Variants in WDR49 observed in about 807,000 individuals in gnomAD.
The protein encoded by WDR49 is WD repeat domain 49.
A neutral mutation model predicts 119.5 loss-of-function variants in WDR49; 107 were observed. That is an observed-to-expected ratio of 0.90 (90% CI 0.77 to 1.05). The LOEUF (loss-of-function observed/expected upper bound fraction) is 1.05, where lower values mean the gene tolerates loss of function less well. Among genes scored for constraint, WDR49 ranks in the 50% least tolerant of loss-of-function variants. The pLI, the probability that WDR49 is intolerant of heterozygous loss-of-function variation, is 0.00. For missense variants in WDR49, 1,240 were observed against 1,220.5 expected (o/e 1.02, Z -0.24); for synonymous variants, 425 against 418.8 (o/e 1.01, Z -0.18).
intron 2 of WDR49, among the ~76,000 whole-genome samples, chr3:167,650,773 A>G (rs1032709254): frequency 1.3e-5 from 2 of 152,238 alleles, no homozygotes; most frequent in African/African-American, 4.8e-5. Flanking sequence ...TAGCTCAATT[A>G]TCTAATGTTA....
chr3:167,538,970 T>C (rs1401553437), intron 10 of WDR49, among the ~76,000 whole-genome samples: 1 of 152,166 alleles, frequency 6.6e-6, no homozygotes, highest in East Asian at 1.9e-4. Flanking sequence ...AATACATAGA[T>C]CTAATCTATG....
At chr3:167,523,487 A>C (rs1171099229) in intron 15 of WDR49, among the ~76,000 whole-genome samples, 1 of 151,490 alleles carries the variant, frequency 6.6e-6, no homozygotes, top group Non-Finnish European at 1.5e-5. Flanking sequence ...CTATCAACCC[A>C]TCATCTAAGT....
chr3:167,517,686 T>G (rs1322563053), intron 16 of WDR49, among the ~76,000 whole-genome samples: 1 of 151,986 alleles, frequency 6.6e-6, no homozygotes, highest in Non-Finnish European at 1.5e-5. Context: ...ATTTTTTTTT[T>G]CCGTTTTTAA....
chr3:167,638,486 G>C (rs972204093), intron 2 of WDR49, among the ~76,000 whole-genome samples: 8 of 151,428 alleles, frequency 5.3e-5, no homozygotes, highest in African/African-American at 1.9e-4. Flanking sequence ...TCATTCTGTT[G>C]TACTTGCCTC....
rs566993960 is a variant in WDR49, at chr3:167,633,694, GATATACATAC to G, written c.166-6412_166-6403del. ...AATTTACCATTGAGCTATCTTTAGG[GATATACATAC>G]ATATACATACATAGACACACATCTT... On this transcript the variant is annotated intron_variant, in intron 2 of 18. Transcript: ENST00000682715. Among the ~76,000 whole-genome samples, 38 of 152,082 alleles carry G rather than the reference GATATACATAC, an allele frequency of 2.5e-4. No individual in the cohort carries two copies. The East Asian group carries it at 6.4e-3, about 26-fold the overall frequency.
upstream of WDR49, among the ~76,000 whole-genome samples, chr3:167,655,148 A>C (rs1292990238): frequency 1.3e-5 from 2 of 152,198 alleles, no homozygotes; most frequent in Non-Finnish European, 2.9e-5. Flanking sequence ...CATGACTTAC[A>C]TGGCAGTAGG....
chr3:167,490,019 C>T (rs750792626), intron 18 of WDR49, among the ~76,000 whole-genome samples: 5 of 152,048 alleles, frequency 3.3e-5, no homozygotes, highest in Non-Finnish European at 5.9e-5. Flanking sequence ...CTGGTGATGC[C>T]CATGCTGCTA....
intron 15 of WDR49, among the ~76,000 whole-genome samples, chr3:167,525,743 T>G (rs530762898): frequency 4.7e-4 from 72 of 152,234 alleles, no homozygotes; most frequent in African/African-American, 1.5e-3. Context: ...ACTCTAGAAA[T>G]AGACATACCA....
At chr3:167,642,095 T>C (rs1207809267) in intron 2 of WDR49, among the ~76,000 whole-genome samples, 2 of 151,858 alleles carry the variant, frequency 1.3e-5, no homozygotes, top group East Asian at 1.9e-4. Context: ...TTTTATACTG[T>C]TTTGACTTGA....
At chr3:167,564,814 C>T (rs536351129) in intron 8 of WDR49, among the ~76,000 whole-genome samples, 2 of 152,196 alleles carry the variant, frequency 1.3e-5, no homozygotes, top group East Asian at 3.9e-4. Context: ...ACATGTGAGG[C>T]TGTATTCATG....
At chr3:167,564,650 C>G (rs1713480052) in intron 8 of WDR49, among the ~76,000 whole-genome samples, 1 of 152,178 alleles carries the variant, frequency 6.6e-6, no homozygotes, top group African/African-American at 2.4e-5. Context: ...TGCTAACAAC[C>G]ACACTCCAGG....
At chr3:167,582,085 T>C (rs1450129910) in intron 7 of WDR49, among the ~76,000 whole-genome samples, 1 of 150,274 alleles carries the variant, frequency 6.7e-6, no homozygotes, top group Non-Finnish European at 1.5e-5. Context: ...TAGGGGATTT[T>C]TGAGTACAGT....
chr3:167,543,803 G>C (rs774589883), intron 10 of WDR49, among the ~76,000 whole-genome samples: 23 of 151,946 alleles, frequency 1.5e-4, no homozygotes, highest in Non-Finnish European at 2.9e-4. Flanking sequence ...AATCAGACAA[G>C]AGAAAGAAAT....
At chr3:167,564,648 A>G (rs1168541571) in intron 8 of WDR49, among the ~76,000 whole-genome samples, 1 of 152,208 alleles carries the variant, frequency 6.6e-6, no homozygotes, top group Non-Finnish European at 1.5e-5. Flanking sequence ...GGTGCTAACA[A>G]CCACACTCCA....
At chr3:167,637,374 C>G (rs1717670799) in intron 2 of WDR49, among the ~76,000 whole-genome samples, 1 of 151,912 alleles carries the variant, frequency 6.6e-6, no homozygotes, top group African/African-American at 2.4e-5. Flanking sequence ...ATACAAGTAC[C>G]ATGCTGTTTT....
intron 8 of WDR49, 34 bp downstream of exon 8, chr3:167,575,884 G>T: frequency 1.9e-6 from 3 of 1,601,628 alleles, no homozygotes; most frequent in Non-Finnish European, 2.6e-6. Context: ...TTGGAGATAT[G>T]TTAGGAGAGT....
In WDR49 at chr3:167,537,898, C is replaced by A. The variant is rs76803784; in HGVS notation, c.1824-898G>T. Among the ~76,000 whole-genome samples, 14 of 152,252 alleles carry A rather than the reference C, an allele frequency of 9.2e-5. No homozygotes were observed. The East Asian group carries it at 2.5e-3, about 27-fold the overall frequency. ...ACCTTCCTGAAATCTTTTATTCCCA[C>A]CACTCTAAAGGTCTCTTAGTTGTCC... On this transcript the variant is annotated intron_variant, in intron 10 of 18. Coordinates refer to ENST00000682715, the MANE Select transcript of WDR49 (RefSeq NM_001366157.1).
At chr3:167,489,183 T>C (rs542353264) in intron 18 of WDR49, among the ~76,000 whole-genome samples, 3 of 152,198 alleles carry the variant, frequency 2.0e-5, no homozygotes, top group African/African-American at 4.8e-5. Flanking sequence ...TTGTATACCA[T>C]ATATCCCTAG....
intron 18 of WDR49, among the ~76,000 whole-genome samples, chr3:167,497,628 G>T (rs773015560): frequency 6.6e-6 from 1 of 152,110 alleles, no homozygotes; most frequent in Non-Finnish European, 1.5e-5. Flanking sequence ...AGAGGTGTTT[G>T]CTGCTCTCAT....
Sources: gnomAD v4.1 joint callset for allele counts (sites outside exome capture counted in the v4.1 genomes callset) on GRCh38, gnomAD v4.1.1 for gene constraint, MANE v1.5 for transcripts, NCBI Gene and HGNC (gene_info 2026-07-23, HGNC 2026-07-21) for gene names.